Variants in SEMA4F observed in about 807,000 individuals in gnomAD.
The protein encoded by SEMA4F is ssemaphorin 4F, also known as semaphorin-4F.
SEMA4F carries 51 observed loss-of-function variants against 78.4 expected under a neutral mutation model. The observed-to-expected ratio is 0.65, with a 90% CI of 0.52 to 0.82. The LOEUF is 0.82. SEMA4F is among the 40% of genes least tolerant of loss of function. The probability of loss-of-function intolerance (pLI) is 0.00; values close to 1 mark genes in which losing one functional copy is unlikely to be tolerated. For missense variants in SEMA4F, 938 were observed against 1,014.4 expected, an observed-to-expected ratio of 0.92 and a Z score of 1.02; for synonymous variants, 418 against 408.7, an observed-to-expected ratio of 1.02 and a Z score of -0.27.
chr2:74,678,070 T>G (rs1685389810), intron 12 of SEMA4F, among the ~76,000 whole-genome samples: 2 of 152,238 alleles, frequency 1.3e-5, no homozygotes, highest in Non-Finnish European at 2.9e-5. Context: ...GCATTTTTGG[T>G]TAAGAACTTT....
At chr2:74,693,240 C>A in the SEMA4F span, among the ~76,000 whole-genome samples, 2 of 152,206 alleles carry the variant, frequency 1.3e-5, no homozygotes, top group Admixed American at 1.3e-4. Context: ...CTTGATATTT[C>A]TTATTTTAAC....
chr2:74,686,752 T>C (rs910383973), downstream of SEMA4F, among the ~76,000 whole-genome samples: 4 of 152,138 alleles, frequency 2.6e-5, no homozygotes, highest in East Asian at 7.7e-4. Context: ...CTGGAAACCA[T>C]CATTCTGAGC....
chr2:74,707,063 AT>A, the SEMA4F span, among the ~76,000 whole-genome samples: 1 of 143,818 alleles, frequency 7.0e-6, no homozygotes, highest in African/African-American at 2.8e-5. Flanking sequence ...TTTAAAATAT[AT>A]TTTAAAAATA....
chr2:74,658,260 G>A lies in SEMA4F; in HGVS notation c.456+309G>A, dbSNP rs142149560. Among the ~76,000 whole-genome samples, 67 of 152,290 alleles carry A rather than the reference G, an allele frequency of 4.4e-4. No homozygotes were observed. The East Asian group carries it at 0.011, about 25-fold the overall frequency. ...TTGGGCTGGGGAAACAACAAATCCA[G>A]GGAGAGACTTCAGAAACCAGAAACT... On this transcript the variant is annotated intron_variant, in intron 4 of 13. Transcript: ENST00000357877. The surrounding 1 kb of genome is among the most constrained non-coding windows in gnomAD (Gnocchi z 4.3).
chr2:74,671,143 TACTTGG>T (rs1238477463), intron 5 of SEMA4F, among the ~76,000 whole-genome samples: 20 of 152,376 alleles, frequency 1.3e-4, no homozygotes, highest in African/African-American at 4.6e-4. Context: ...CAAGTACTAG[TACTTGG>T]GTTCAAACCC....
intron 12 of SEMA4F, among the ~76,000 whole-genome samples, chr2:74,677,671 A>T (rs1233257582): frequency 6.6e-6 from 1 of 152,218 alleles, no homozygotes; most frequent in Non-Finnish European, 1.5e-5. Flanking sequence ...TTGCAAACTG[A>T]CCTTGAGATT....
intron 5 of SEMA4F, among the ~76,000 whole-genome samples, chr2:74,667,956 A>G (rs910393954): frequency 6.6e-6 from 1 of 152,124 alleles, no homozygotes; most frequent in Non-Finnish European, 1.5e-5. Flanking sequence ...CCTTCCACAC[A>G]TCTTCAGTTG....
chr2:74,683,876 C>T (rs1573277251), downstream of SEMA4F: 2 of 152,206 alleles, frequency 1.3e-5, no homozygotes, highest in Admixed American at 1.3e-4. Flanking sequence ...AGAAAAATTC[C>T]TGCCCACTAT....
chr2:74,691,911 A>G, the SEMA4F span, among the ~76,000 whole-genome samples: 1 of 152,170 alleles, frequency 6.6e-6, no homozygotes, highest in African/African-American at 2.4e-5. Context: ...CTGGACGTAT[A>G]TATGGCTCGG....
chr2:74,670,303 ATCTGTCTG>A (rs550189236), intron 5 of SEMA4F, among the ~76,000 whole-genome samples: 4 of 152,024 alleles, frequency 2.6e-5, no homozygotes, highest in Non-Finnish European at 5.9e-5. Flanking sequence ...GTACGTGTAT[ATCTGTCTG>A]TCTGTCTGTC....
the SEMA4F span, among the ~76,000 whole-genome samples, chr2:74,701,676 T>C: frequency 3.3e-5 from 5 of 152,184 alleles, no homozygotes; most frequent in Non-Finnish European, 5.9e-5. Context: ...ACTGAGTAGT[T>C]GGTGAAGTGG....
the SEMA4F span, among the ~76,000 whole-genome samples, chr2:74,709,135 C>G: frequency 3.0e-3 from 458 of 152,264 alleles, 2 homozygotes; most frequent in South Asian, 0.019. Context: ...ATTCAAGAAG[C>G]TAATGAACCT....
At chr2:74,679,072 A>G (rs766213763) in intron 12 of SEMA4F, among the ~76,000 whole-genome samples, 1 of 152,206 alleles carries the variant, frequency 6.6e-6, no homozygotes, top group Admixed American at 6.5e-5. Flanking sequence ...GATGCATGGA[A>G]CTTGATATGG....
the SEMA4F span, among the ~76,000 whole-genome samples, chr2:74,703,582 A>G: frequency 6.6e-6 from 1 of 152,308 alleles, no homozygotes; most frequent in African/African-American, 2.4e-5. Context: ...GGCCTTTTCC[A>G]GGAAGAGGCT....
In SEMA4F at chr2:74,680,590, T is replaced by C. The variant is rs180768871; in HGVS notation, c.*381T>C. 117 of 175,128 alleles carry C rather than the reference T, an allele frequency of 6.7e-4. No homozygotes were observed. The highest frequency in any genetic ancestry group is 2.7e-3 in the African/African-American group (113 of 42,344). 10.8% of individuals were successfully genotyped at this position (175,128 alleles called of 1,614,324 possible). ...CCGGAAGGAAGAGCCCTGGAGGTGG[T>C]TGGGGGCAAATGTGCCCTGAGTCCT... On this transcript the variant is annotated 3_prime_UTR_variant, in exon 14 of 14. Transcript: ENST00000357877.
At chr2:74,688,618 A>G (rs1406981824), downstream of SEMA4F, among the ~76,000 whole-genome samples, 1 of 152,236 alleles carries the variant, frequency 6.6e-6, no homozygotes, top group Non-Finnish European at 1.5e-5. Flanking sequence ...TACATTATCA[A>G]TGATCACAAA....
rs2104989452 is a variant in SEMA4F, at chr2:74,673,563, T to A, written c.657T>A (p.Pro219=). 1 of 1,614,138 alleles carries A rather than the reference T, an allele frequency of 6.2e-7. No individual in the cohort carries two copies. The highest frequency in any genetic ancestry group is 2.2e-5 in the East Asian group (1 of 44,882). The part of the protein sequence containing the change: ...AEDWIRTDTL[P]SWLNAPAFVA... Reference sequence around the variant, plus strand: ...ACTGGATTCGGACAGATACCTTGCCTTCCTGGCTGAACGGTGGGGAGAGGG... The same window carrying A: ...ACTGGATTCGGACAGATACCTTGCCATCCTGGCTGAACGGTGGGGAGAGGG... The change falls in exon 6 of 14, where the codon CCT becomes CCA. Residue 219 remains proline, a synonymous_variant. Coordinates refer to ENST00000357877, the MANE Select transcript of SEMA4F (RefSeq NM_004263.5).
chr2:74,699,478 C>T, the SEMA4F span, among the ~76,000 whole-genome samples: 1,371 of 152,278 alleles, frequency 9.0e-3, 13 homozygotes, highest in Middle Eastern at 0.024. Context: ...AGGGGGACCT[C>T]CAAGTGAAGA....
In SEMA4F at chr2:74,680,338, G is replaced by C; in HGVS notation, c.*129G>C. The C allele has an allele frequency of 9.2e-7, 1 of 1,083,666 alleles. No homozygotes were observed. Among genetic ancestry groups the C allele is most frequent in the Non-Finnish European group, 1.3e-6 (1 of 768,404 alleles). 67.1% of individuals were successfully genotyped at this position (1,083,666 alleles called of 1,614,324 possible). ...CTCTTTGAGTATGAGTGATTACTTG[G>C]ATTTTAGTATCTGTTCTCTCTGAGC... On this transcript the variant is annotated 3_prime_UTR_variant, in exon 14 of 14. Coordinates refer to ENST00000357877, the MANE Select transcript of SEMA4F (RefSeq NM_004263.5).
Sources: gnomAD v4.1 joint callset for allele counts (sites outside exome capture counted in the v4.1 genomes callset) on GRCh38, gnomAD v4.1.1 for gene constraint, Gnocchi (gnomAD v3.1) non-coding constraint, MANE v1.5 for transcripts, NCBI Gene and HGNC (gene_info 2026-07-23, HGNC 2026-07-21) for gene names.